Variants in ERC2 observed in about 807,000 individuals in gnomAD.
The protein encoded by ERC2 is ELKS/RAB6-interacting/CAST family member 2.
Under a neutral mutation model 114.8 loss-of-function variants are expected in ERC2, and 42 were observed. The observed-to-expected ratio is 0.37, with a 90% CI of 0.29 to 0.47. The LOEUF (loss-of-function observed/expected upper bound fraction) is 0.47, where lower values mean the gene tolerates loss of function less well. Among genes scored for constraint, ERC2 ranks in the 20% least tolerant of loss-of-function variants. ERC2 has a pLI of 0.99. For missense variants in ERC2, 939 were observed against 1,150.7 expected (o/e 0.82, Z 2.66); for synonymous variants, 454 against 425.5 (o/e 1.07, Z -0.82).
chr3:56,309,025 A>T (rs1025007284), intron 2 of ERC2, among the ~76,000 whole-genome samples: 1 of 152,274 alleles, frequency 6.6e-6, no homozygotes, highest in Admixed American at 6.5e-5. Context: ...ATGACTTCAA[A>T]TCTTCCTTAG....
intron 7 of ERC2, among the ~76,000 whole-genome samples, chr3:56,070,792 C>T (rs1214651548): frequency 1.3e-5 from 2 of 152,134 alleles, no homozygotes; most frequent in Non-Finnish European, 2.9e-5. Flanking sequence ...AATCTGTTTC[C>T]TAAGTGGGCC....
chr3:56,371,709 C>T (rs1014573534), intron 2 of ERC2, among the ~76,000 whole-genome samples: 6 of 152,230 alleles, frequency 3.9e-5, no homozygotes, highest in Admixed American at 1.3e-4. Flanking sequence ...TCAGCTGCTA[C>T]CACCTATTAA....
chr3:56,091,962 G>C (rs1303509179), intron 6 of ERC2, among the ~76,000 whole-genome samples: 1 of 138,462 alleles, frequency 7.2e-6, no homozygotes, highest in African/African-American at 3.0e-5. Flanking sequence ...CACTTGACAA[G>C]AGAAAAAAAA....
At chr3:55,570,940 A>G (rs2056671699) in intron 17 of ERC2, among the ~76,000 whole-genome samples, 1 of 152,064 alleles carries the variant, frequency 6.6e-6, no homozygotes, top group Admixed American at 6.5e-5. Flanking sequence ...ATCCTGGCCA[A>G]CATGGGGAAA....
intron 2 of ERC2, among the ~76,000 whole-genome samples, chr3:56,298,003 T>C (rs548353985): frequency 1.3e-5 from 2 of 152,348 alleles, no homozygotes; most frequent in East Asian, 3.9e-4. Context: ...ACAGTGCCTC[T>C]CAGGGTATTG....
intron 14 of ERC2, among the ~76,000 whole-genome samples, chr3:55,796,276 TC>T (rs1317501034): frequency 6.6e-6 from 1 of 152,174 alleles, no homozygotes; most frequent in African/African-American, 2.4e-5. Context: ...TATTGGGCCT[TC>T]GGTGGACTGC....
chr3:55,951,278 C>T (rs541007823), intron 12 of ERC2, among the ~76,000 whole-genome samples: 13 of 152,208 alleles, frequency 8.5e-5, no homozygotes, highest in Admixed American at 3.9e-4. Flanking sequence ...AGATCATAAT[C>T]CATTACTTTG....
In ERC2 at chr3:55,837,138, C is replaced by T. The variant is rs182817520; in HGVS notation, c.2564+51251G>A. ...TGGAGAGGATGTGGAGAAATAGGAA[C>T]ACTTTTACACTGTTGGTGGGACTGT... On this transcript the variant is annotated intron_variant, in intron 14 of 17. Coordinates refer to ENST00000288221, the MANE Select transcript of ERC2 (RefSeq NM_015576.3). Among the ~76,000 whole-genome samples, 25 of 152,260 alleles carry T rather than the reference C, an allele frequency of 1.6e-4. No individual in the cohort carries two copies. In the East Asian group the frequency reaches 4.8e-3, roughly 29 times the overall value.
chr3:55,911,660 A>G (rs2064822734), intron 13 of ERC2, among the ~76,000 whole-genome samples: 1 of 152,210 alleles, frequency 6.6e-6, no homozygotes, highest in Non-Finnish European at 1.5e-5. Context: ...AATTTCACAG[A>G]GCATGAATGA....
At chr3:55,596,842 C>G (rs1442228230) in intron 17 of ERC2, among the ~76,000 whole-genome samples, 1 of 151,740 alleles carries the variant, frequency 6.6e-6, no homozygotes, top group Non-Finnish European at 1.5e-5. Flanking sequence ...AGAGAGAAAA[C>G]AAAAAATGAC....
At chr3:55,864,097 G>GTATATA (rs10548129) in intron 14 of ERC2, among the ~76,000 whole-genome samples, 4 of 132,590 alleles carry the variant, frequency 3.0e-5, no homozygotes, top group South Asian at 2.4e-4. Context: ...TCAGCAGCAG[G>GTATATA]TATATATATA....
Position 56,019,017 on chromosome 3 carries a change from T to C in ERC2, c.1656A>G (p.Gln552=), listed in dbSNP as rs2073521801. The C allele has an allele frequency of 1.9e-6, 3 of 1,610,114 alleles. No homozygotes were observed. Among genetic ancestry groups the C allele is most frequent in the Admixed American group, 1.7e-5 (1 of 59,486 alleles). ...NVLQKKIENL[Q]EQLRDKDKQL... ...GCTTGTCTTTATCCCTAAGTTGTTCTTGCAAGTTTTCAATCTAAAAATAAA... is the reference window on the plus strand; with the variant it reads ...GCTTGTCTTTATCCCTAAGTTGTTCCTGCAAGTTTTCAATCTAAAAATAAA... Residue 552 remains glutamine (Q), a synonymous_variant, in exon 8 of 18, where the codon CAA becomes CAG. Transcript: ENST00000288221.
intron 6 of ERC2, among the ~76,000 whole-genome samples, chr3:56,117,004 C>T (rs1268587225): frequency 6.6e-6 from 1 of 152,124 alleles, no homozygotes; most frequent in Non-Finnish European, 1.5e-5. Flanking sequence ...TTAATCATAC[C>T]TGTTTTACAG....
chr3:55,526,982 G>T (rs1163672218), intron 17 of ERC2, among the ~76,000 whole-genome samples: 5 of 152,240 alleles, frequency 3.3e-5, no homozygotes, highest in Non-Finnish European at 5.9e-5. Context: ...CACCTCCTTT[G>T]GGAGGAAGGG....
rs1159596872 is a variant in ERC2 at position 55,699,059 on chromosome 3, T to C, written c.2847+319A>G. Among the ~76,000 whole-genome samples, 8 of 152,094 alleles carry C rather than the reference T, an allele frequency of 5.3e-5. 1 individual carries two copies. The highest frequency in any genetic ancestry group is 1.9e-4 in the African/African-American group (8 of 41,412). ...CTCATGGAAACAAAGTGCTTTCTCT[T>C]AAAACTCTGAAAGAGACATTCCAAA... On this transcript the variant is annotated intron_variant, in intron 16 of 17. Transcript: ENST00000288221.
At chr3:56,218,510 G>A (rs1352322900) in intron 3 of ERC2, among the ~76,000 whole-genome samples, 2 of 152,216 alleles carry the variant, frequency 1.3e-5, no homozygotes, top group African/African-American at 4.8e-5. Context: ...AAGAGGATGT[G>A]GAGAAATAGG....
chr3:55,708,871 G>C (rs926056070), intron 15 of ERC2, among the ~76,000 whole-genome samples: 1 of 151,740 alleles, frequency 6.6e-6, no homozygotes, highest in African/African-American at 2.4e-5. Flanking sequence ...AGGAGAGAGA[G>C]AGAGAAGAGG....
intron 8 of ERC2, among the ~76,000 whole-genome samples, chr3:56,015,068 C>G (rs956997268): frequency 2.6e-5 from 4 of 152,186 alleles, no homozygotes; most frequent in Admixed American, 6.5e-5. Flanking sequence ...ACTTTATTAA[C>G]CAGCAACTGT....
At chr3:56,190,081 G>T (rs1396812255) in intron 3 of ERC2, among the ~76,000 whole-genome samples, 1 of 152,130 alleles carries the variant, frequency 6.6e-6, no homozygotes, top group African/African-American at 2.4e-5. Context: ...AATTGTTAAG[G>T]CTGCCAGAAG....
Sources: gnomAD v4.1 joint callset for allele counts (sites outside exome capture counted in the v4.1 genomes callset) on GRCh38, gnomAD v4.1.1 for gene constraint, MANE v1.5 for transcripts, NCBI Gene and HGNC (gene_info 2026-07-23, HGNC 2026-07-21) for gene names.